Variants in UNC13C observed in about 807,000 individuals in gnomAD.
The protein encoded by UNC13C is protein unc-13 homolog C.
A neutral mutation model predicts 245.4 loss-of-function variants in UNC13C; 174 were observed. That is an observed-to-expected ratio of 0.71 (90% CI 0.63 to 0.80). The LOEUF (loss-of-function observed/expected upper bound fraction) is 0.80. Ranked by LOEUF, UNC13C falls within the 30% of genes least tolerant of loss-of-function variation. UNC13C has a pLI of 0.00. For synonymous variants in UNC13C, 992 were observed against 895.1 expected (o/e 1.11, Z -1.93); for missense variants, 2,829 against 2,602.9 (o/e 1.09, Z -1.89).
intron 13 of UNC13C, among the ~76,000 whole-genome samples, chr15:54,304,990 A>C (rs2037689214): frequency 1.3e-5 from 2 of 152,120 alleles, no homozygotes; most frequent in Admixed American, 1.3e-4. Context: ...ATCTGTAATT[A>C]TATCCAGGAA....
In UNC13C at chr15:54,290,213, G is replaced by T. The variant is rs1417442750; in HGVS notation, c.3819-3682G>T. On this transcript the variant is annotated intron_variant, in intron 10 of 32. Coordinates refer to ENST00000260323, the MANE Select transcript of UNC13C (RefSeq NM_001080534.3). ...AATATTCCTCAAAAAAAGCTGTTTG[G>T]AAGAGAAAAAATGTAAGAGCTGGCC... is the stretch of plus-strand genomic sequence containing the variant. Among the ~76,000 whole-genome samples the T allele has an allele frequency of 2.0e-5, 3 of 152,018 alleles. No individual in the cohort carries two copies. The East Asian group carries it at 5.8e-4, about 29-fold the overall frequency.
At chr15:54,430,872 A>G (rs928296151) in intron 19 of UNC13C, among the ~76,000 whole-genome samples, 1 of 151,666 alleles carries the variant, frequency 6.6e-6, no homozygotes, top group African/African-American at 2.4e-5. Flanking sequence ...AACTGAGGGA[A>G]CAGTTGGTGA....
chr15:54,596,645 C>T (rs2141264394), intron 30 of UNC13C, among the ~76,000 whole-genome samples: 1 of 152,236 alleles, frequency 6.6e-6, no homozygotes, highest in Non-Finnish European at 1.5e-5. Flanking sequence ...ACACGTGATC[C>T]CCCAGTGTTG....
chr15:54,631,063 G>C (rs975695438), downstream of UNC13C: 1 of 152,046 alleles, frequency 6.6e-6, no homozygotes, highest in Non-Finnish European at 1.5e-5. Flanking sequence ...AACATAGTTT[G>C]GCTAGGCACA....
At chr15:54,618,555 A>G (rs1008631666) in intron 30 of UNC13C, among the ~76,000 whole-genome samples, 5 of 114,856 alleles carry the variant, frequency 4.4e-5, no homozygotes, top group African/African-American at 2.0e-4. Context: ...TAACTAGTCA[A>G]TTGAGATATC....
At chr15:53,884,374 G>T in the UNC13C span, among the ~76,000 whole-genome samples, 1 of 152,038 alleles carries the variant, frequency 6.6e-6, no homozygotes, top group Admixed American at 6.6e-5. Flanking sequence ...TGTCATCCAG[G>T]CTAGGATGAA....
At chr15:54,064,517 C>T (rs1342058284) in intron 2 of UNC13C, among the ~76,000 whole-genome samples, 1 of 152,182 alleles carries the variant, frequency 6.6e-6, no homozygotes, top group Non-Finnish European at 1.5e-5. Flanking sequence ...CACGTGGAAG[C>T]AGTGAAACAA....
At chr15:54,460,422 C>T (rs182499632) in intron 19 of UNC13C, among the ~76,000 whole-genome samples, 1 of 152,306 alleles carries the variant, frequency 6.6e-6, no homozygotes, top group African/African-American at 2.4e-5. Context: ...CTCTGATTAG[C>T]CAGGTTATTG....
At chr15:54,049,654 A>G (rs768369121) in intron 2 of UNC13C, 26 of 238,776 alleles carry the variant, frequency 1.1e-4, no homozygotes, top group Non-Finnish European at 2.0e-4. Context: ...CACACACTCC[A>G]GCAGTCTGAG....
chr15:54,372,467 G>T (rs984556596), intron 17 of UNC13C, among the ~76,000 whole-genome samples: 5 of 152,064 alleles, frequency 3.3e-5, no homozygotes, highest in African/African-American at 9.7e-5. Flanking sequence ...TTTAGAAAGA[G>T]AATACACTGA....
the UNC13C span, among the ~76,000 whole-genome samples, chr15:53,841,931 G>C: frequency 6.6e-6 from 1 of 152,156 alleles, no homozygotes; most frequent in African/African-American, 2.4e-5. Context: ...GCTTTAGCTG[G>C]ATAGGAAGAA....
At chr15:54,522,316 C>CAA (rs35594697) in intron 24 of UNC13C, among the ~76,000 whole-genome samples, 60 of 108,768 alleles carry the variant, frequency 5.5e-4, no homozygotes, top group East Asian at 2.1e-3. Context: ...ACTAAAAATA[C>CAA]AAAAAAAAAA....
At chr15:54,550,022 A>C (rs1273292672) in intron 28 of UNC13C, among the ~76,000 whole-genome samples, 3 of 152,190 alleles carry the variant, frequency 2.0e-5, no homozygotes, top group African/African-American at 7.2e-5. Flanking sequence ...TCATCAAAGC[A>C]GGCACTGAAC....
Position 54,300,300 on chromosome 15 carries a change from G to A in UNC13C, c.4195G>A (p.Asp1399Asn). The A allele has an allele frequency of 1.9e-6, 3 of 1,590,278 alleles. No homozygotes were observed. The highest frequency in any genetic ancestry group is 2.6e-6 in the Non-Finnish European group (3 of 1,167,208). ...KGDEAWKVFF[D>N]DASQEIVDEF... ...GGATGAAGCCTGGAAGGTTTTCTTT[G>A]ATGATGCTTCCCAAGAAATAGTTGA... Residue 1399 changes from aspartate (D) to asparagine (N), a missense_variant, in exon 13 of 33, where the codon GAT becomes AAT. Coordinates refer to ENST00000260323, the MANE Select transcript of UNC13C (RefSeq NM_001080534.3).
intron 1 of UNC13C, among the ~76,000 whole-genome samples, chr15:53,998,246 G>C (rs1894724110): frequency 6.6e-6 from 1 of 151,934 alleles, no homozygotes; most frequent in African/African-American, 2.4e-5. Context: ...ATCACTTTGG[G>C]GAGAACTGAT....
chr15:54,122,077 C>G (rs1331146975), intron 2 of UNC13C, among the ~76,000 whole-genome samples: 1 of 151,722 alleles, frequency 6.6e-6, no homozygotes, highest in Non-Finnish European at 1.5e-5. Flanking sequence ...GTAATATTTG[C>G]TAATATGGCA....
At chr15:54,406,521 C>T (rs1231665301) in intron 18 of UNC13C, among the ~76,000 whole-genome samples, 1 of 152,122 alleles carries the variant, frequency 6.6e-6, no homozygotes, top group Non-Finnish European at 1.5e-5. Flanking sequence ...GGTAGCATGT[C>T]CTAAATCCTG....
intron 17 of UNC13C, among the ~76,000 whole-genome samples, chr15:54,359,475 C>A (rs1349816422): frequency 6.6e-6 from 1 of 151,884 alleles, no homozygotes; most frequent in Admixed American, 6.6e-5. Flanking sequence ...AGGTCCTGGA[C>A]TCTTCTTTGA....
chr15:54,061,371 A>T (rs952509518), intron 2 of UNC13C, among the ~76,000 whole-genome samples: 1 of 152,136 alleles, frequency 6.6e-6, no homozygotes, highest in Non-Finnish European at 1.5e-5. Flanking sequence ...ATGGTACTCT[A>T]TTTAGTAAAT....
Sources: gnomAD v4.1 joint callset for allele counts (sites outside exome capture counted in the v4.1 genomes callset) on GRCh38, gnomAD v4.1.1 for gene constraint, MANE v1.5 for transcripts, NCBI Gene and HGNC (gene_info 2026-07-23, HGNC 2026-07-21) for gene names.